The following SLC2A9 variants were observed in gnomAD, a reference collection of about 807,000 sequenced individuals.
The protein encoded by SLC2A9 is solute carrier family 2 member 9.
SLC2A9 carries 39 observed loss-of-function variants against 50.6 expected under a neutral mutation model. The observed-to-expected ratio is 0.77, with a 90% CI of 0.60 to 1.01. The LOEUF (loss-of-function observed/expected upper bound fraction) is 1.01, where lower values mean the gene tolerates loss of function less well. Ranked by LOEUF, SLC2A9 falls within the 50% of genes least tolerant of loss-of-function variation. The pLI is 0.00. For synonymous variants in SLC2A9, 324 were observed against 276.9 expected (o/e 1.17, Z -1.69); for missense variants, 686 against 677.6 (o/e 1.01, Z -0.14).
intron 5 of SLC2A9, among the ~76,000 whole-genome samples, chr4:9,944,916 C>T (rs1391909832): frequency 6.6e-6 from 1 of 152,142 alleles, no homozygotes; most frequent in Non-Finnish European, 1.5e-5. Flanking sequence ...ATACATGTGG[C>T]CCACCCAAAT....
chr4:9,907,747 T>TA (rs1217822803), intron 8 of SLC2A9, among the ~76,000 whole-genome samples: 1 of 152,178 alleles, frequency 6.6e-6, no homozygotes, highest in Non-Finnish European at 1.5e-5. Context: ...AGTTATTTAT[T>TA]AAAAGGAAGA....
chr4:9,968,856 T>A (rs1383634690), intron 5 of SLC2A9, among the ~76,000 whole-genome samples: 1 of 152,136 alleles, frequency 6.6e-6, no homozygotes, highest in Non-Finnish European at 1.5e-5. Context: ...TTATTACTTT[T>A]AAAAAATGGA....
chr4:10,021,465 GA>G lies in SLC2A9; in HGVS notation c.-37del. 1 of 1,613,634 alleles carries G rather than the reference GA, an allele frequency of 6.2e-7. No individual in the cohort carries two copies. Among genetic ancestry groups the G allele is most frequent in the Non-Finnish European group, 8.5e-7 (1 of 1,179,882 alleles). ...GACCCAGCTGATGGCTCAGTCCAGGGACCCCAGACTCTGCCAAGGCATTTCC... is the reference window on the plus strand; with the variant it reads ...GACCCAGCTGATGGCTCAGTCCAGGGCCCCAGACTCTGCCAAGGCATTTCC... On this transcript the variant is annotated 5_prime_UTR_variant, in exon 1 of 12. An upstream open reading frame in the 5' UTR loses its in-frame stop. Transcript: ENST00000264784.
chr4:9,946,837 G>GCTAGGA (rs1560361946), intron 5 of SLC2A9, among the ~76,000 whole-genome samples: 1 of 151,812 alleles, frequency 6.6e-6, no homozygotes, highest in African/African-American at 2.4e-5. Flanking sequence ...CCATTCTAGG[G>GCTAGGA]GCTCATGTCT....
At chr4:9,820,691 T>G (rs912819966) in intron 3 of SLC2A9, among the ~76,000 whole-genome samples, 1 of 152,166 alleles carries the variant, frequency 6.6e-6, no homozygotes, top group Admixed American at 6.5e-5. Context: ...GTATTTCTTG[T>G]TTTGGGAACT....
chr4:9,791,508 AT>A (rs1266986448), intron 3 of SLC2A9, among the ~76,000 whole-genome samples: 1 of 151,996 alleles, frequency 6.6e-6, no homozygotes, highest in East Asian at 1.9e-4. Flanking sequence ...GGGGGAGGAG[AT>A]TTTTAGGGAT....
intron 1 of SLC2A9, among the ~76,000 whole-genome samples, chr4:9,774,057 C>T (rs568296215): frequency 8.2e-5 from 12 of 145,622 alleles, no homozygotes; most frequent in African/African-American, 2.5e-4. Flanking sequence ...TGCAGTGGTG[C>T]GATCTCGCCT....
chr4:9,936,742 G>A (rs1212863143), intron 6 of SLC2A9, among the ~76,000 whole-genome samples: 2 of 152,184 alleles, frequency 1.3e-5, no homozygotes, highest in African/African-American at 4.8e-5. Context: ...GAGCAGAGAT[G>A]ACAGGGAGAG....
chr4:9,935,713 T>C (rs954645495), intron 6 of SLC2A9, among the ~76,000 whole-genome samples: 4 of 152,222 alleles, frequency 2.6e-5, no homozygotes, highest in African/African-American at 4.8e-5. Context: ...ATGCTGCATG[T>C]TGTTTTAGGA....
At chr4:9,948,014 C>T (rs1301821459) in intron 5 of SLC2A9, among the ~76,000 whole-genome samples, 1 of 152,158 alleles carries the variant, frequency 6.6e-6, no homozygotes, top group African/African-American at 2.4e-5. Flanking sequence ...CCTCGCCATA[C>T]AGGATTCATA....
intron 6 of SLC2A9, among the ~76,000 whole-genome samples, chr4:9,924,986 A>G (rs1225479691): frequency 2.0e-5 from 3 of 152,144 alleles, no homozygotes. Flanking sequence ...TTCTGCACAC[A>G]AATCTGTGCT....
At chr4:9,986,762 T>G (rs1039928485) in intron 3 of SLC2A9, among the ~76,000 whole-genome samples, 1 of 152,176 alleles carries the variant, frequency 6.6e-6, no homozygotes, top group Non-Finnish European at 1.5e-5. Flanking sequence ...CAATAATTAT[T>G]ATTAACAGCT....
intron 5 of SLC2A9, among the ~76,000 whole-genome samples, chr4:9,944,436 T>C (rs1748743023): frequency 6.6e-6 from 1 of 152,364 alleles, no homozygotes; most frequent in Middle Eastern, 3.4e-3. Context: ...GTTTATGGCA[T>C]AGCCTTTGAT....
chr4:9,880,174 A>G, intron 10 of SLC2A9: 1 of 985,478 alleles, frequency 1.0e-6, no homozygotes, highest in Non-Finnish European at 1.2e-6. Context: ...TCATGGTCTA[A>G]GTGGCAGCTT....
At chr4:10,008,165 C>T (rs1190340242) in intron 2 of SLC2A9, among the ~76,000 whole-genome samples, 1 of 152,214 alleles carries the variant, frequency 6.6e-6, no homozygotes, top group Non-Finnish European at 1.5e-5. Context: ...TTTGATGGGA[C>T]CGAGTTCCTT....
At chr4:10,016,434 GA>G (rs376993364) in intron 2 of SLC2A9, among the ~76,000 whole-genome samples, 139 of 152,292 alleles carry the variant, frequency 9.1e-4, no homozygotes, top group African/African-American at 3.3e-3. Flanking sequence ...ATTAACGCAT[GA>G]AAAGTACATG....
intron 2 of SLC2A9, among the ~76,000 whole-genome samples, chr4:9,997,197 C>T (rs1332346722): frequency 5.9e-5 from 9 of 151,992 alleles, no homozygotes; most frequent in Non-Finnish European, 1.2e-4. Flanking sequence ...CTTTGCCTAT[C>T]CCAAGGTACT....
intron 3 of SLC2A9, chr4:9,783,574 T>C (rs987483311): frequency 6.7e-6 from 7 of 1,050,984 alleles, no homozygotes; most frequent in African/African-American, 4.8e-5. Flanking sequence ...ATCATGTGTT[T>C]CTGTGTAGTA....
intron 2 of SLC2A9, among the ~76,000 whole-genome samples, chr4:10,002,192 C>T (rs1759958023): frequency 6.6e-6 from 1 of 152,246 alleles, no homozygotes; most frequent in Non-Finnish European, 1.5e-5. Flanking sequence ...TCTCCAGCTA[C>T]AGAGCTTCCA....
Sources: allele counts gnomAD v4.1 joint callset (sites outside exome capture counted in the v4.1 genomes callset), GRCh38; gene constraint gnomAD v4.1.1; transcripts MANE v1.5; gene names NCBI Gene and HGNC (gene_info 2026-07-23, HGNC 2026-07-21).